Variants in MCPH1 observed in about 807,000 individuals in gnomAD.
The protein encoded by MCPH1 is microcephalin 1, also known as microcephalin.
MCPH1 carries 104 observed loss-of-function variants against 84.5 expected under a neutral mutation model. The ratio of observed to expected loss-of-function variants is 1.23; its 90% CI spans 1.05 to 1.45. The LOEUF (loss-of-function observed/expected upper bound fraction) is 1.45, where lower values mean the gene tolerates loss of function less well. Ranked by LOEUF, MCPH1 falls within the 40% of genes most tolerant of loss-of-function variation. MCPH1 has a pLI of 0.00. For missense variants in MCPH1, 1,498 were observed against 1,005.7 expected (o/e 1.49, Z -6.62); for synonymous variants, 514 against 366.8 (o/e 1.40, Z -4.58).
At chr8:6,547,598 C>G (rs1461492552) in intron 12 of MCPH1, among the ~76,000 whole-genome samples, 1 of 152,194 alleles carries the variant, frequency 6.6e-6, no homozygotes, top group Non-Finnish European at 1.5e-5. Context: ...GAATGGCTGA[C>G]TCACTTGCCT....
Position 6,423,185 on chromosome 8 carries a change from C to CTTTTTTTTT in MCPH1, c.233+8306_233+8307insTTTTTTTTT, listed in dbSNP as rs374999485. 1.8e-5 allele frequency among the ~76,000 whole-genome samples: 2 copies of CTTTTTTTTT among 110,786 alleles called. 1 individual carries two copies. Among genetic ancestry groups the CTTTTTTTTT allele is most frequent in the Non-Finnish European group, 3.8e-5 (2 of 53,090 alleles). 72.7% of individuals were successfully genotyped at this position (110,786 alleles called of 152,430 possible). On this transcript the variant is annotated intron_variant, in intron 3 of 13. Coordinates refer to ENST00000344683, the MANE Select transcript of MCPH1 (RefSeq NM_024596.5). ...CTTAATCTTTTGGCATTTTTCTTTTCTTTTCTTTTTTTTTTTTTTTTTGAA... is the reference window on the plus strand; with the variant it reads ...CTTAATCTTTTGGCATTTTTCTTTTCTTTTTTTTTTTTTCTTTTTTTTTTTTTTTTTGAA...
rs1025573554 is a variant in MCPH1 at position 6,643,318 on chromosome 8, G to A, written c.*269G>A. The A allele has an allele frequency of 1.1e-5, 5 of 461,126 alleles. No homozygotes were observed. The highest frequency in any genetic ancestry group is 7.9e-5 in the African/African-American group (4 of 50,608). 28.6% of individuals were successfully genotyped at this position (461,126 alleles called of 1,614,324 possible). On this transcript the variant is annotated 3_prime_UTR_variant, in exon 14 of 14. Transcript: ENST00000344683. ...CCTGCCCTGTTTCCCAGGCTGGAGT[G>A]CAATGGCACAATCTCGGCTCACTGC...
chr8:6,556,458 C>T (rs554607578), intron 12 of MCPH1, among the ~76,000 whole-genome samples: 2 of 152,080 alleles, frequency 1.3e-5, no homozygotes, highest in Admixed American at 1.3e-4. Flanking sequence ...ATCCCCACCC[C>T]ACAGTCCCTC....
At chr8:6,532,306 C>T (rs759673591) in intron 12 of MCPH1, 4 of 1,613,798 alleles carry the variant, frequency 2.5e-6, no homozygotes, top group Non-Finnish European at 2.5e-6. Context: ...GCAGGGACAC[C>T]GTGTGCTTTA....
Position 6,455,196 on chromosome 8 carries a change from T to C in MCPH1, c.1879T>C (p.Phe627Leu), listed in dbSNP as rs777963249. ...TGTTTTAGATGACTCATGTGACGGC[T>C]TTAAGGACCTCATCAAACCTCATGA... Reference protein sequence around the residue: ...HDVLDDSCDGFKDLIKPHEEL... With the variant: ...HDVLDDSCDGLKDLIKPHEEL... Residue 627 changes from phenylalanine to leucine, a missense_variant, in exon 9 of 14, where the codon TTT becomes CTT. Transcript: ENST00000344683. 1 of 1,614,060 alleles carries C rather than the reference T, an allele frequency of 6.2e-7. No homozygotes were observed. Among genetic ancestry groups the C allele is most frequent in the Non-Finnish European group, 8.5e-7 (1 of 1,179,976 alleles).
At chr8:6,409,417 G>C (rs748916364) in intron 2 of MCPH1, 47 bp downstream of exon 2, 1 of 1,432,896 alleles carries the variant, frequency 7.0e-7, no homozygotes, top group Admixed American at 1.7e-5. Flanking sequence ...TCTTCTGATT[G>C]GTAAAAAGTT....
At chr8:6,476,465 T>C (rs545606516) in intron 9 of MCPH1, among the ~76,000 whole-genome samples, 1 of 149,540 alleles carries the variant, frequency 6.7e-6, no homozygotes, top group South Asian at 2.1e-4. Context: ...AAAAATTCAG[T>C]CATAGACCAA....
intron 12 of MCPH1, chr8:6,532,369 G>A (rs1819685377): frequency 2.4e-5 from 39 of 1,613,988 alleles, no homozygotes; most frequent in Non-Finnish European, 3.1e-5. Flanking sequence ...CGTTTGCTCC[G>A]CTGTTTGGTT....
At chr8:6,435,094 A>C (rs1802451949) in intron 4 of MCPH1, among the ~76,000 whole-genome samples, 1 of 152,114 alleles carries the variant, frequency 6.6e-6, no homozygotes, top group Admixed American at 6.5e-5. Context: ...CTGGGGTTTC[A>C]TGTGTTTGTG....
intron 12 of MCPH1, among the ~76,000 whole-genome samples, chr8:6,534,388 G>A (rs1331825690): frequency 2.0e-5 from 3 of 152,154 alleles, no homozygotes; most frequent in African/African-American, 7.2e-5. Flanking sequence ...AGAGGCTTGA[G>A]CACCGTGGAT....
At chr8:6,604,147 C>T (rs1313779054) in intron 12 of MCPH1, among the ~76,000 whole-genome samples, 4 of 152,070 alleles carry the variant, frequency 2.6e-5, no homozygotes, top group East Asian at 3.9e-4. Context: ...TCATCTAGCT[C>T]AGCCCCCATG....
At chr8:6,587,952 C>G (rs1403843468) in intron 12 of MCPH1, among the ~76,000 whole-genome samples, 1 of 152,194 alleles carries the variant, frequency 6.6e-6, no homozygotes, top group African/African-American at 2.4e-5. Context: ...ATGCAGAGTC[C>G]TTAGAGCTCA....
chr8:6,513,189 T>A (rs1383461447), intron 12 of MCPH1, among the ~76,000 whole-genome samples: 1 of 152,218 alleles, frequency 6.6e-6, no homozygotes, highest in East Asian at 1.9e-4. Flanking sequence ...GAAGTTTCTT[T>A]TATATTGTTA....
intron 9 of MCPH1, among the ~76,000 whole-genome samples, chr8:6,465,722 T>A (rs531227301): frequency 1.6e-4 from 24 of 152,222 alleles, no homozygotes; most frequent in Non-Finnish European, 2.5e-4. Flanking sequence ...TCCACTGACA[T>A]CAGAGACTCA....
chr8:6,482,273 C>T (rs778400977), intron 11 of MCPH1, among the ~76,000 whole-genome samples: 11 of 152,070 alleles, frequency 7.2e-5, no homozygotes, highest in Non-Finnish European at 1.2e-4. Flanking sequence ...GGTATGCTGA[C>T]GTAGCTAAAA....
chr8:6,406,734 A>T, intron 1 of MCPH1, 45 bp downstream of exon 1: 8 of 1,606,282 alleles, frequency 5.0e-6, no homozygotes, highest in Non-Finnish European at 6.8e-6. Context: ...GAGTTTGAGG[A>T]CCGGCACCCC....
At chr8:6,519,845 G>C (rs945968971) in intron 12 of MCPH1, 1 of 1,612,700 alleles carries the variant, frequency 6.2e-7, no homozygotes, top group Non-Finnish European at 8.5e-7. Context: ...GAGTTAGTAA[G>C]GGGAGACGAA....
chr8:6,474,410 A>G (rs945717306), intron 9 of MCPH1: 6 of 262,616 alleles, frequency 2.3e-5, no homozygotes, highest in Non-Finnish European at 2.9e-5. Context: ...GGTCAAAACT[A>G]ATTTCATAAT....
At chr8:6,582,480 G>T (rs79417878) in intron 12 of MCPH1, among the ~76,000 whole-genome samples, 1 of 152,096 alleles carries the variant, frequency 6.6e-6, no homozygotes, top group African/African-American at 2.4e-5. Context: ...ACACAGAATC[G>T]GATTAATTAG....
Sources: gnomAD v4.1 joint callset for allele counts (sites outside exome capture counted in the v4.1 genomes callset) on GRCh38, gnomAD v4.1.1 for gene constraint, MANE v1.5 for transcripts, NCBI Gene and HGNC (gene_info 2026-07-23, HGNC 2026-07-21) for gene names.